SEC11A: variants seen among roughly 807,000 people sequenced by gnomAD.
SEC11A encodes the protein signal peptidase complex catalytic subunit SEC11A.
SEC11A carries 14 observed loss-of-function variants against 25.6 expected under a neutral mutation model. The ratio of observed to expected loss-of-function variants is 0.55; its 90% confidence interval spans 0.36 to 0.85. The LOEUF is 0.85. SEC11A is among the 40% of genes least tolerant of loss of function. SEC11A has a pLI of 0.01. For missense variants in SEC11A, 153 were observed against 222.9 expected (o/e 0.69, Z 2.00); for synonymous variants, 83 against 76.4 (o/e 1.09, Z -0.45).
In SEC11A at chr15:84,701,035, C is replaced by T. The variant is rs572996799; in HGVS notation, c.52-9391G>A. On this transcript the variant is annotated intron_variant, in intron 1 of 5. Coordinates refer to ENST00000268220, the MANE Select transcript of SEC11A (RefSeq NM_014300.4). Reference sequence around the variant, plus strand: ...AAGACCTAAATCAAACTTCTAGAGACAAAAAATAACAATGTCTGAAATAAA... The same window carrying T: ...AAGACCTAAATCAAACTTCTAGAGATAAAAAATAACAATGTCTGAAATAAA... 9.3e-5 allele frequency among the ~76,000 whole-genome samples: 12 copies of T among 128,912 alleles called. No individual in the cohort carries two copies. The East Asian group carries it at 2.7e-3, about 29-fold the overall frequency. 84.6% of individuals were successfully genotyped at this position (128,912 alleles called of 152,430 possible).
At chr15:84,695,142 C>A (rs1897729721) in intron 1 of SEC11A, among the ~76,000 whole-genome samples, 1 of 108,624 alleles carries the variant, frequency 9.2e-6, no homozygotes. Flanking sequence ...ATTTAGCACA[C>A]TAAATAGAGA....
intron 2 of SEC11A, among the ~76,000 whole-genome samples, chr15:84,690,700 C>T (rs1469569951): frequency 1.3e-5 from 2 of 152,016 alleles, no homozygotes; most frequent in Non-Finnish European, 2.9e-5. Context: ...CTATTTGTCA[C>T]CATAAGAGAT....
chr15:84,703,044 G>C (rs1236843554), intron 1 of SEC11A, among the ~76,000 whole-genome samples: 1 of 152,188 alleles, frequency 6.6e-6, no homozygotes, highest in Non-Finnish European at 1.5e-5. Context: ...GTCTGTAATG[G>C]ATAGGGATGC....
At chr15:84,680,390 G>A (rs751245405) in intron 4 of SEC11A, among the ~76,000 whole-genome samples, 10 of 152,086 alleles carry the variant, frequency 6.6e-5, no homozygotes, top group East Asian at 3.8e-4. Context: ...TAGTGTGGAC[G>A]TAAGAGCACA....
At chr15:84,680,891 A>T in intron 3 of SEC11A, 59 bp from the exon 4 acceptor site, 1 of 1,495,558 alleles carries the variant, frequency 6.7e-7, no homozygotes, top group Non-Finnish European at 9.1e-7. Flanking sequence ...TAAAGCACAA[A>T]ATCTGTTCTT....
intron 1 of SEC11A, among the ~76,000 whole-genome samples, chr15:84,709,709 C>A (rs1898204412): frequency 6.6e-6 from 1 of 151,954 alleles, no homozygotes; most frequent in Non-Finnish European, 1.5e-5. Flanking sequence ...TCCCAAAGTG[C>A]TGGGATTACA....
chr15:84,698,817 T>C (rs1897839522), intron 1 of SEC11A, among the ~76,000 whole-genome samples: 1 of 152,124 alleles, frequency 6.6e-6, no homozygotes, highest in East Asian at 1.9e-4. Context: ...TTTGGATATT[T>C]CAGATTTGGG....
intron 1 of SEC11A, among the ~76,000 whole-genome samples, chr15:84,704,179 A>G (rs915352838): frequency 1.1e-4 from 16 of 152,324 alleles, no homozygotes; most frequent in Non-Finnish European, 1.0e-4. Flanking sequence ...CCGGATATAG[A>G]TTGGTCTTCC....
At chr15:84,688,357 A>AT (rs2141890923) in intron 2 of SEC11A, among the ~76,000 whole-genome samples, 1 of 152,316 alleles carries the variant, frequency 6.6e-6, no homozygotes, top group African/African-American at 2.4e-5. Context: ...ATAAGCAGAG[A>AT]TTTTTGCCTA....
At chr15:84,675,862 T>C (rs1567033593) in intron 4 of SEC11A, among the ~76,000 whole-genome samples, 1 of 152,240 alleles carries the variant, frequency 6.6e-6, no homozygotes, top group Non-Finnish European at 1.5e-5. Flanking sequence ...TGAATAAGCC[T>C]TAAAAACATT....
chr15:84,681,806 G>A (rs1404324135), intron 3 of SEC11A, among the ~76,000 whole-genome samples: 2 of 152,084 alleles, frequency 1.3e-5, no homozygotes, highest in African/African-American at 4.8e-5. Flanking sequence ...CAGGGGCAGT[G>A]GCTCACTCCT....
At chr15:84,684,661 G>A (rs1897367874) in intron 3 of SEC11A, among the ~76,000 whole-genome samples, 1 of 152,190 alleles carries the variant, frequency 6.6e-6, no homozygotes. Context: ...GCTGGGTGCA[G>A]TGGGTCATGC....
intron 4 of SEC11A, among the ~76,000 whole-genome samples, chr15:84,680,278 G>C (rs1302984289): frequency 6.6e-6 from 1 of 151,270 alleles, no homozygotes; most frequent in Non-Finnish European, 1.5e-5. Context: ...TCCAGCCTGG[G>C]TGACAGAGCA....
intron 1 of SEC11A, among the ~76,000 whole-genome samples, chr15:84,714,249 T>G (rs1030092863): frequency 1.3e-5 from 2 of 152,012 alleles, no homozygotes; most frequent in Non-Finnish European, 1.5e-5. Flanking sequence ...CTCTTGACAT[T>G]GTGATCCGCC....
intron 1 of SEC11A, among the ~76,000 whole-genome samples, chr15:84,708,295 T>C (rs1428469610): frequency 6.6e-6 from 1 of 151,688 alleles, no homozygotes; most frequent in Non-Finnish European, 1.5e-5. Flanking sequence ...TTCTTGTGTA[T>C]GTAATGGGGA....
chr15:84,711,781 CAA>C (rs60088964), intron 1 of SEC11A, among the ~76,000 whole-genome samples: 66,418 of 92,554 alleles, frequency 0.72, 21,333 homozygotes, highest in East Asian at 0.83. Context: ...GACTCTATCT[CAA>C]AAAAAAAAAA....
At chr15:84,682,625 A>G (rs1897310599) in intron 3 of SEC11A, among the ~76,000 whole-genome samples, 2 of 151,664 alleles carry the variant, frequency 1.3e-5, no homozygotes, top group South Asian at 4.2e-4. Flanking sequence ...TTTTTTTTGT[A>G]TTTTTAGTAG....
intron 4 of SEC11A, chr15:84,673,178 G>A (rs1255933093): frequency 3.5e-5 from 6 of 171,694 alleles, no homozygotes; most frequent in South Asian, 1.1e-4. Flanking sequence ...GGGAGGTGAG[G>A]GGCGCCTCTG....
chr15:84,713,602 G>C (rs1035314319), intron 1 of SEC11A, among the ~76,000 whole-genome samples: 1 of 152,208 alleles, frequency 6.6e-6, no homozygotes, highest in Admixed American at 6.5e-5. Flanking sequence ...GAATGTCCTA[G>C]ATGCAATGAA....
Sources: gnomAD v4.1 joint callset for allele counts (sites outside exome capture counted in the v4.1 genomes callset) on GRCh38, gnomAD v4.1.1 for gene constraint, MANE v1.5 for transcripts, NCBI Gene and HGNC (gene_info 2026-07-23, HGNC 2026-07-21) for gene names.